The following SLC30A4 variants were observed in gnomAD, a reference collection of about 807,000 sequenced individuals.
SLC30A4 encodes probable proton-coupled zinc antiporter SLC30A4.
In SLC30A4, 20 loss-of-function variants were observed where a neutral mutation model predicts 41.7. The observed-to-expected ratio is 0.48, with a 90% confidence interval of 0.34 to 0.70. The LOEUF is 0.70. SLC30A4 is among the 30% of genes least tolerant of loss of function. The pLI, the probability that SLC30A4 is intolerant of heterozygous loss-of-function variation, is 0.01. For synonymous variants in SLC30A4, 181 were observed against 195.9 expected (o/e 0.92, Z 0.64); for missense variants, 441 against 529.3 (o/e 0.83, Z 1.64).
At chr15:45,519,653 A>G (rs1309172284) in intron 2 of SLC30A4, 1 of 152,252 alleles carries the variant, frequency 6.6e-6, no homozygotes, top group Non-Finnish European at 1.5e-5. Context: ...CAATAAAGTC[A>G]GTATTTGAAA....
At position 45,481,776 on chromosome 15, in the gene SLC30A4, G is replaced by C. The variant is rs1213872848; in HGVS notation, c.*3387C>G. On this transcript the variant is annotated 3_prime_UTR_variant, in exon 8 of 8. Coordinates refer to ENST00000261867, the MANE Select transcript of SLC30A4 (RefSeq NM_013309.6). ...TGCTAAGTTAATGTCCTTTTCTGTG[G>C]GTTAAGTTACAAAAAGTGAAATCAA... 1 of 152,084 alleles carries C rather than the reference G, an allele frequency of 6.6e-6. No homozygotes were observed. Among genetic ancestry groups the C allele is most frequent in the Non-Finnish European group, 1.5e-5 (1 of 68,026 alleles). The allele number at this position is 152,084 out of a possible 1,614,324, so 9.4% of individuals were successfully genotyped here. A position where few individuals can be genotyped will look rare whatever the true frequency, so the allele number is the denominator to read the frequency against.
intron 7 of SLC30A4, among the ~76,000 whole-genome samples, chr15:45,485,718 C>CTT (rs776401920): frequency 1.4e-5 from 2 of 138,366 alleles, no homozygotes; most frequent in African/African-American, 2.6e-5. Flanking sequence ...AATATTCTTT[C>CTT]TTTTTTTTTT....
intron 3 of SLC30A4, among the ~76,000 whole-genome samples, chr15:45,500,644 CTATCTATCTATCTATCTATA>C (rs1892005523): frequency 7.4e-6 from 1 of 134,324 alleles, no homozygotes; most frequent in Non-Finnish European, 1.5e-5. Context: ...ATCTATCTAT[CTATCTATCTATCTATCTATA>C]TGTTTTTGTT....
intron 3 of SLC30A4, among the ~76,000 whole-genome samples, chr15:45,504,725 A>C (rs768766367): frequency 2.6e-5 from 4 of 152,196 alleles, no homozygotes; most frequent in Non-Finnish European, 5.9e-5. Context: ...CTCATTTAAT[A>C]TTTGTAATAA....
Position 45,483,079 on chromosome 15 carries a change from T to C in SLC30A4, c.*2084A>G, listed in dbSNP as rs1756848099. On this transcript the variant is annotated 3_prime_UTR_variant, in exon 8 of 8. Coordinates refer to ENST00000261867, the MANE Select transcript of SLC30A4 (RefSeq NM_013309.6). ...GATTACAGGCATGAGCCACTGTGTC[T>C]GGCCACATAAATTTTCAGTTCAATT... The C allele has an allele frequency of 6.6e-6, 1 of 152,206 alleles. No homozygotes were observed. The highest frequency in any genetic ancestry group is 1.5e-5 in the Non-Finnish European group (1 of 68,040). 9.4% of individuals were successfully genotyped at this position (152,206 alleles called of 1,614,324 possible). A position where few individuals can be genotyped will look rare whatever the true frequency, so the allele number is the denominator to read the frequency against.
intron 2 of SLC30A4, among the ~76,000 whole-genome samples, chr15:45,518,298 T>A (rs979989433): frequency 7.2e-5 from 11 of 152,216 alleles, no homozygotes; most frequent in Admixed American, 3.9e-4. Flanking sequence ...TTCTTTTTCT[T>A]CCTAGTACTT....
intron 3 of SLC30A4, among the ~76,000 whole-genome samples, chr15:45,495,891 GTCATTAATAAGGAATGTGCC>G (rs1891899093): frequency 6.6e-6 from 1 of 152,126 alleles, no homozygotes; most frequent in Non-Finnish European, 1.5e-5. Context: ...CCCTTTTCTA[GTCATTAATAAGGAATGTGCC>G]TCATTAATAA....
chr15:45,519,230 A>G (rs552394436), intron 2 of SLC30A4: 1 of 149,644 alleles, frequency 6.7e-6, no homozygotes, highest in Admixed American at 6.7e-5. Context: ...AAGATGCTTT[A>G]TTTCTCTTTC....
chr15:45,507,830 T>C (rs1223412576), intron 3 of SLC30A4, among the ~76,000 whole-genome samples: 1 of 152,158 alleles, frequency 6.6e-6, no homozygotes, highest in Non-Finnish European at 1.5e-5. Context: ...TTAGGGTTAA[T>C]TTTTCTATTA....
Position 45,522,176 on chromosome 15 carries a change from CT to C in SLC30A4, c.178del (p.Arg60GlyfsTer24). On this transcript the variant is annotated frameshift_variant, in exon 2 of 8. Transcript: ENST00000261867. LOFTEE classifies it high-confidence loss of function. The stretch of plus-strand genomic sequence containing the variant: ...GGTCGGGTGCGCCCCGTTAACAGGC[CT>C]TTCCGGGGCTTCGGAACCGTCATCG... ...VADDGSEAPE[R>X]PVNGAHPTLQ... 6.2e-7 allele frequency: 1 copy of C among 1,614,234 alleles called. No homozygotes were observed. The highest frequency in any genetic ancestry group is 8.5e-7 in the Non-Finnish European group (1 of 1,180,038).
chr15:45,504,199 A>G (rs1892101335), intron 3 of SLC30A4, among the ~76,000 whole-genome samples: 1 of 152,182 alleles, frequency 6.6e-6, no homozygotes, highest in African/African-American at 2.4e-5. Flanking sequence ...GAAAACTAAA[A>G]TGTGAATAGC....
chr15:45,490,498 A>C (rs781382774), intron 4 of SLC30A4, among the ~76,000 whole-genome samples: 8 of 152,246 alleles, frequency 5.3e-5, no homozygotes, highest in Non-Finnish European at 1.0e-4. Context: ...GTTAAACAAG[A>C]ACAAAAAACT....
Position 45,487,533 on chromosome 15 carries a change from G to A in SLC30A4, c.994C>T (p.Leu332=), listed in dbSNP as rs369599518. Residue 332 remains leucine (L), a synonymous_variant, in exon 6 of 8, where the codon CTA becomes TTA. Transcript: ENST00000261867. Reference sequence around the variant, plus strand: ...GGATATAGTGAGATCTTACCTTCTAGTATTATAACTACTGTATCCCATATG... The same window carrying A: ...GGATATAGTGAGATCTTACCTTCTAATATTATAACTACTGTATCCCATATG... The part of the protein sequence containing the change: ...RIIWDTVVII[L]EGVPSHLNVD... 9 of 1,414,444 alleles carry A rather than the reference G, an allele frequency of 6.4e-6. No homozygotes were observed. The highest frequency in any genetic ancestry group is 9.0e-6 in the Non-Finnish European group (9 of 999,796). 87.6% of individuals were successfully genotyped at this position (1,414,444 alleles called of 1,614,324 possible). A position where few individuals can be genotyped will look rare whatever the true frequency, so the allele number is the denominator to read the frequency against.
chr15:45,494,786 G>C (rs1230558612), intron 3 of SLC30A4, among the ~76,000 whole-genome samples: 1 of 152,154 alleles, frequency 6.6e-6, no homozygotes. Flanking sequence ...CTACCACCAG[G>C]AGAACTTTAA....
In SLC30A4 at chr15:45,522,348, C is replaced by G. The variant is rs777800512; in HGVS notation, c.7G>C (p.Gly3Arg). The G allele has an allele frequency of 6.2e-7, 1 of 1,605,702 alleles. No homozygotes were observed. The highest frequency in any genetic ancestry group is 8.5e-7 in the Non-Finnish European group (1 of 1,176,252). Residue 3 changes from glycine to arginine, a missense_variant, in exon 2 of 8, where the codon GGC (glycine) becomes CGC (arginine). Gly to Arg is a moderately radical substitution (Grantham distance 125, BLOSUM62 -2). Transcript: ENST00000261867. The stretch of plus-strand genomic sequence containing the variant: ...TTGAGGCGCTTCCACGCGCCAGAGC[C>G]GGCCATGGCAGAGGCTGAGCGGCCG... The part of the protein sequence containing the change: MA[G>R]SGAWKRLKSM...
rs894767641 is a variant in SLC30A4, at chr15:45,479,881, G to A, written c.*5282C>T. On this transcript the variant is annotated 3_prime_UTR_variant, in exon 8 of 8. Coordinates refer to ENST00000261867, the MANE Select transcript of SLC30A4 (RefSeq NM_013309.6). ...TATATACTTTGATCTTAATTAACATGGACAAACCCCAGCTTCAAAATCTTT... is the reference window on the plus strand; with the variant it reads ...TATATACTTTGATCTTAATTAACATAGACAAACCCCAGCTTCAAAATCTTT... The A allele has an allele frequency of 6.6e-6, 1 of 150,992 alleles. No homozygotes were observed. Among genetic ancestry groups the A allele is most frequent in the Non-Finnish European group, 1.5e-5 (1 of 67,794 alleles). 9.4% of individuals were successfully genotyped at this position (150,992 alleles called of 1,614,324 possible).
chr15:45,493,102 T>C (rs570579349), intron 3 of SLC30A4, among the ~76,000 whole-genome samples: 11 of 152,128 alleles, frequency 7.2e-5, no homozygotes, highest in Admixed American at 6.5e-4. Context: ...CAAAAGCCCG[T>C]CTCTACTAAA....
intron 2 of SLC30A4, among the ~76,000 whole-genome samples, chr15:45,517,812 G>A (rs1892534142): frequency 6.6e-6 from 1 of 151,982 alleles, no homozygotes; most frequent in Non-Finnish European, 1.5e-5. Flanking sequence ...GCTAGGCGCG[G>A]TGGGGGGCGC....
intron 3 of SLC30A4, 84 bp downstream of exon 3, chr15:45,511,054 G>T: frequency 9.7e-7 from 1 of 1,033,620 alleles, no homozygotes; most frequent in Non-Finnish European, 1.4e-6. Context: ...GATATCACTG[G>T]AACGAGTTCA....
Sources: allele counts gnomAD v4.1 joint callset (sites outside exome capture counted in the v4.1 genomes callset), GRCh38; gene constraint gnomAD v4.1.1; transcripts MANE v1.5; gene names NCBI Gene and HGNC (gene_info 2026-07-23, HGNC 2026-07-21).